VPS13D: variants seen among roughly 807,000 people sequenced by gnomAD.
VPS13D encodes the protein intermembrane lipid transfer protein VPS13D.
Under a neutral mutation model 461.9 loss-of-function variants are expected in VPS13D, and 187 were observed. That is an observed-to-expected ratio of 0.40 (90% confidence interval 0.36 to 0.46). VPS13D has a LOEUF of 0.46. Among genes scored for constraint, VPS13D ranks in the 20% least tolerant of loss-of-function variants. The probability of loss-of-function intolerance (pLI) is 0.60; values close to 1 mark genes in which losing one functional copy is unlikely to be tolerated. For missense variants in VPS13D, 4,711 were observed against 5,364.9 expected (o/e 0.88, Z 3.81); for synonymous variants, 1,951 against 1,986.3 (o/e 0.98, Z 0.47).
intron 68 of VPS13D, among the ~76,000 whole-genome samples, chr1:12,503,173 C>T (rs1039007675): frequency 3.3e-5 from 5 of 152,076 alleles, no homozygotes; most frequent in African/African-American, 4.8e-5. Context: ...TCTACTAAGG[C>T]GGCACTGGCT....
At chr1:12,368,161 T>A (rs1644065249) in intron 52 of VPS13D, among the ~76,000 whole-genome samples, 2 of 152,194 alleles carry the variant, frequency 1.3e-5, no homozygotes, top group African/African-American at 4.8e-5. Context: ...CTTCAGCGAT[T>A]TTTCTGTATA....
intron 60 of VPS13D, among the ~76,000 whole-genome samples, chr1:12,395,996 G>GATATATATATATATATATAT (rs58476786): frequency 1.4e-3 from 103 of 73,736 alleles, no homozygotes; most frequent in Non-Finnish European, 1.9e-3. Context: ...ACTAATAGGA[G>GATATATATATATATATATAT]ATATATATAT....
intron 26 of VPS13D, among the ~76,000 whole-genome samples, chr1:12,305,032 A>G (rs1642524281): frequency 1.3e-5 from 2 of 152,334 alleles, no homozygotes; most frequent in South Asian, 4.1e-4. Flanking sequence ...TAGTGATAGT[A>G]TAAGTAGAAA....
At position 12,260,015 on chromosome 1, in the gene VPS13D, CTTTTTTT is replaced by C. The variant is rs70987243; in HGVS notation, c.1111-656_1111-650del. Among the ~76,000 whole-genome samples, 10 of 72,814 alleles carry C rather than the reference CTTTTTTT, an allele frequency of 1.4e-4. No individual in the cohort carries two copies. The South Asian group carries it at 6.3e-3, about 46-fold the overall frequency. 47.8% of individuals were successfully genotyped at this position (72,814 alleles called of 152,430 possible). A position where few individuals can be genotyped will look rare whatever the true frequency, so the allele number is the denominator to read the frequency against. On this transcript the variant is annotated intron_variant, in intron 10 of 69. Coordinates refer to ENST00000620676, the MANE Select transcript of VPS13D (RefSeq NM_015378.4). ...TGCAATAGTCCATATGCTTTAGTGA[CTTTTTTT>C]TTTTTTTTTTTTTTTTTTTTTGAGA...
At chr1:12,384,484 A>G (rs1644324521) in intron 58 of VPS13D, among the ~76,000 whole-genome samples, 1 of 152,124 alleles carries the variant, frequency 6.6e-6, no homozygotes, top group African/African-American at 2.4e-5. Context: ...TGGCTCTGAA[A>G]CCCAGGGGAG....
rs72866622 is a variant in VPS13D at position 12,286,232 on chromosome 1, C to T, written c.5635-1991C>T. On this transcript the variant is annotated intron_variant, in intron 21 of 69. Transcript: ENST00000620676. ...AGCTGGGACTACAGATGTGTGCCAC[C>T]ACACCCTGCTAATCTTTGTGTTTTT... 8.7e-3 allele frequency among the ~76,000 whole-genome samples: 1,324 copies of T among 152,204 alleles called. 15 individuals carry two copies. The highest frequency in any genetic ancestry group is 0.03 in the African/African-American group (1,262 of 41,516).
intron 67 of VPS13D, among the ~76,000 whole-genome samples, chr1:12,470,893 A>C (rs1645554477): frequency 6.6e-6 from 1 of 152,214 alleles, no homozygotes; most frequent in Non-Finnish European, 1.5e-5. Flanking sequence ...CTTGAAAACA[A>C]ATAGTTATAG....
rs748863929 is a variant in VPS13D at position 12,386,343 on chromosome 1, G to A, written c.11634+9G>A. The A allele has an allele frequency of 1.9e-5, 30 of 1,589,894 alleles. No homozygotes were observed. The highest frequency in any genetic ancestry group is 2.4e-5 in the Non-Finnish European group (28 of 1,169,924). On this transcript the variant is annotated intron_variant, in intron 60 of 69. Transcript: ENST00000620676. The stretch of plus-strand genomic sequence containing the variant: ...GCATACAGGATGTACAGGTAAGGGG[G>A]AAGTTCCAAAGCTGTTAGTCACCTT...
intron 60 of VPS13D, 22 bp downstream of exon 60, chr1:12,386,356 T>C: frequency 1.3e-6 from 2 of 1,572,114 alleles, no homozygotes; most frequent in Non-Finnish European, 1.7e-6. Context: ...GTTCCAAAGC[T>C]GTTAGTCACC....
intron 67 of VPS13D, among the ~76,000 whole-genome samples, chr1:12,488,020 A>T (rs1194030839): frequency 6.6e-6 from 1 of 152,154 alleles, no homozygotes; most frequent in East Asian, 1.9e-4. Flanking sequence ...CAGGATATGG[A>T]TGGGAGTGGG....
chr1:12,476,289 C>T (rs1645630432), intron 67 of VPS13D, among the ~76,000 whole-genome samples: 1 of 152,202 alleles, frequency 6.6e-6, no homozygotes, highest in Admixed American at 6.5e-5. Flanking sequence ...GAAGCAGGGG[C>T]ATTGAGTTTA....
intron 67 of VPS13D, among the ~76,000 whole-genome samples, chr1:12,464,318 A>G (rs182847298): frequency 3.3e-5 from 5 of 152,372 alleles, no homozygotes; most frequent in Admixed American, 1.3e-4. Flanking sequence ...ATAGAACCCA[A>G]GAGTCCAAGA....
intron 2 of VPS13D, among the ~76,000 whole-genome samples, chr1:12,234,735 C>T (rs1367482659): frequency 6.6e-6 from 1 of 152,178 alleles, no homozygotes; most frequent in Admixed American, 6.5e-5. Context: ...TGAACAATAG[C>T]TCATATTGAA....
At chr1:12,424,479 G>A (rs1644899635) in intron 65 of VPS13D, among the ~76,000 whole-genome samples, 1 of 152,170 alleles carries the variant, frequency 6.6e-6, no homozygotes, top group African/African-American at 2.4e-5. Context: ...GGGGGCCGGG[G>A]TAGAGTGGTG....
intron 60 of VPS13D, among the ~76,000 whole-genome samples, chr1:12,394,702 G>A (rs999412520): frequency 2.6e-5 from 4 of 152,108 alleles, no homozygotes; most frequent in Admixed American, 1.3e-4. Flanking sequence ...CACCATCCCA[G>A]TCTCCCTAAT....
Position 12,389,973 on chromosome 1 carries a change from C to T in VPS13D, c.11634+3639C>T, listed in dbSNP as rs185831270. On this transcript the variant is annotated intron_variant, in intron 60 of 69. Coordinates refer to ENST00000620676, the MANE Select transcript of VPS13D (RefSeq NM_015378.4). ...TCTTGATAATCTGGGTCAGTCACCC[C>T]AGCCAACACTGTAACTCCCTTCTTA... Among the ~76,000 whole-genome samples, 228 of 152,336 alleles carry T rather than the reference C, an allele frequency of 1.5e-3. 3 individuals carry two copies. Among genetic ancestry groups the T allele is most frequent in the Non-Finnish European group, 4.4e-4 (30 of 68,030 alleles).
Position 12,260,633 on chromosome 1 carries a change from T to C in VPS13D, c.1111-60T>C. The C allele has an allele frequency of 1.1e-5, 15 of 1,422,310 alleles. No individual in the cohort carries two copies. In the South Asian group the frequency reaches 1.8e-4, roughly 17 times the overall value. 88.1% of individuals were successfully genotyped at this position (1,422,310 alleles called of 1,614,324 possible). A position where few individuals can be genotyped will look rare whatever the true frequency, so the allele number is the denominator to read the frequency against. On this transcript the variant is annotated intron_variant, in intron 10 of 69. Transcript: ENST00000620676. ...TTTAGTGGCTTGTGAGGGTGTCCAG[T>C]GTCTCTGGATCTACAACGTTTGTGT... is the stretch of plus-strand genomic sequence containing the variant.
At chr1:12,370,427 A>G (rs916741440) in intron 54 of VPS13D, among the ~76,000 whole-genome samples, 12 of 152,256 alleles carry the variant, frequency 7.9e-5, no homozygotes, top group African/African-American at 2.9e-4. Context: ...CCTGATGAAT[A>G]GGGCGTTTAA....
At chr1:12,235,650 T>TG (rs1409519848) in intron 2 of VPS13D, among the ~76,000 whole-genome samples, 4 of 152,198 alleles carry the variant, frequency 2.6e-5, no homozygotes, top group African/African-American at 4.8e-5. Context: ...CGCTAGGCCA[T>TG]GGGCAGAGCC....
Sources: gnomAD v4.1 joint callset for allele counts (sites outside exome capture counted in the v4.1 genomes callset) on GRCh38, gnomAD v4.1.1 for gene constraint, MANE v1.5 for transcripts, NCBI Gene and HGNC (gene_info 2026-07-23, HGNC 2026-07-21) for gene names.